Variants in SPTLC1 observed in about 807,000 individuals in gnomAD.
SPTLC1 encodes the protein serine palmitoyltransferase 1.
A neutral mutation model predicts 68.9 loss-of-function variants in SPTLC1; 55 were observed. The ratio of observed to expected loss-of-function variants is 0.80; its 90% CI spans 0.64 to 1.00. SPTLC1 has a LOEUF of 1.00. Ranked by LOEUF, SPTLC1 falls within the 50% of genes least tolerant of loss-of-function variation. SPTLC1 has a pLI of 0.00. For synonymous variants in SPTLC1, 197 were observed against 201.6 expected (o/e 0.98, Z 0.19); for missense variants, 449 against 573.1 (o/e 0.78, Z 2.21).
intron 14 of SPTLC1, 39 bp from the exon 15 acceptor site, chr9:92,032,597 G>A (rs772080789): frequency 1.2e-6 from 2 of 1,613,304 alleles, no homozygotes; most frequent in African/African-American, 1.3e-5. Flanking sequence ...ATCTTTGTGG[G>A]CCAGGCGCAG....
chr9:92,047,474 A>G (rs1034660913), intron 10 of SPTLC1, 139 bp downstream of exon 10: 7 of 746,388 alleles, frequency 9.4e-6, no homozygotes, highest in African/African-American at 8.9e-5. Context: ...AAATATTTTG[A>G]GTGATTCTTT....
Position 92,097,368 on chromosome 9 carries a change from T to C in SPTLC1, c.260+11372A>G, listed in dbSNP as rs1229283718. ...TGCCCATGCAAAAATGTGTACACAT[T>C]ATTTCATAGCAGTTTTATTATTTTT... On this transcript the variant is annotated intron_variant, in intron 3 of 14. Transcript: ENST00000262554. Among the ~76,000 whole-genome samples, 3 of 152,260 alleles carry C rather than the reference T, an allele frequency of 2.0e-5. No homozygotes were observed. In the East Asian group the frequency reaches 5.8e-4, roughly 29 times the overall value.
intron 2 of SPTLC1, chr9:92,110,736 T>C (rs555264283): frequency 2.6e-5 from 4 of 152,314 alleles, no homozygotes; most frequent in South Asian, 2.1e-4. Flanking sequence ...TGCATTTCAC[T>C]CTAGGATTCA....
At chr9:92,058,134 T>C (rs933881432) in intron 7 of SPTLC1, among the ~76,000 whole-genome samples, 7 of 152,210 alleles carry the variant, frequency 4.6e-5, no homozygotes, top group African/African-American at 9.6e-5. Context: ...ATTTTGCCTA[T>C]AGATTTTTCT....
chr9:92,103,342 T>G (rs893959744), intron 3 of SPTLC1, among the ~76,000 whole-genome samples: 6 of 152,242 alleles, frequency 3.9e-5, no homozygotes, highest in Non-Finnish European at 7.3e-5. Flanking sequence ...TCAACTTCTA[T>G]GCTGAAGTGA....
chr9:92,034,723 G>T, intron 14 of SPTLC1, 87 bp downstream of exon 14: 1 of 1,038,416 alleles, frequency 9.6e-7, no homozygotes, highest in Non-Finnish European at 1.5e-6. Context: ...GCCTATGATA[G>T]TCTTTCAAAA....
chr9:92,111,157 T>G (rs996145779), intron 2 of SPTLC1: 1 of 152,120 alleles, frequency 6.6e-6, no homozygotes, highest in African/African-American at 2.4e-5. Flanking sequence ...CCAAATTAAT[T>G]TTCCTACAAC....
intron 6 of SPTLC1, among the ~76,000 whole-genome samples, chr9:92,061,903 G>C (rs1834119173): frequency 6.6e-6 from 1 of 152,038 alleles, no homozygotes; most frequent in African/African-American, 2.4e-5. Context: ...GCAGAAAAGA[G>C]AAAATAGAGA....
At chr9:92,100,086 TAAAG>T (rs1835690309) in intron 3 of SPTLC1, among the ~76,000 whole-genome samples, 1 of 100,982 alleles carries the variant, frequency 9.9e-6, no homozygotes, top group Non-Finnish European at 2.1e-5. Flanking sequence ...AAGAAGAAAA[TAAAG>T]AACAACATAA....
intron 7 of SPTLC1, among the ~76,000 whole-genome samples, chr9:92,056,278 G>C (rs749401972): frequency 3.3e-5 from 5 of 152,124 alleles, no homozygotes; most frequent in Non-Finnish European, 5.9e-5. Context: ...CACCCAGGTG[G>C]GAGTGCAGTG....
At chr9:92,066,897 T>C (rs1834304825) in intron 6 of SPTLC1, among the ~76,000 whole-genome samples, 1 of 151,968 alleles carries the variant, frequency 6.6e-6, no homozygotes. Context: ...AGAGAATTGC[T>C]TGAACCCGGG....
intron 14 of SPTLC1, among the ~76,000 whole-genome samples, chr9:92,033,945 G>A (rs1833056106): frequency 6.6e-6 from 1 of 152,198 alleles, no homozygotes; most frequent in African/African-American, 2.4e-5. Context: ...AAACTCCCCA[G>A]TGGGCTCTCC....
At chr9:92,094,649 T>C (rs1835470458) in intron 3 of SPTLC1, among the ~76,000 whole-genome samples, 1 of 152,236 alleles carries the variant, frequency 6.6e-6, no homozygotes, top group African/African-American at 2.4e-5. Context: ...AACTTTCCTA[T>C]TGAACTAACC....
intron 1 of SPTLC1, among the ~76,000 whole-genome samples, chr9:92,114,553 T>G (rs1233934001): frequency 6.6e-6 from 1 of 151,902 alleles, no homozygotes; most frequent in Non-Finnish European, 1.5e-5. Context: ...CTGACCAACA[T>G]GCAGAAACCC....
At chr9:92,067,788 T>C (rs1322439994) in intron 6 of SPTLC1, among the ~76,000 whole-genome samples, 178 bp downstream of exon 6, 1 of 152,228 alleles carries the variant, frequency 6.6e-6, no homozygotes. Context: ...TAGACACCGT[T>C]AAGCATCTTT....
chr9:92,044,488 T>C (rs769657179), intron 12 of SPTLC1, among the ~76,000 whole-genome samples: 2 of 152,122 alleles, frequency 1.3e-5, no homozygotes, highest in Non-Finnish European at 2.9e-5. Context: ...CGAAGGGCAG[T>C]AGCAGAAGCC....
chr9:92,081,148 T>C (rs80145137), intron 3 of SPTLC1, among the ~76,000 whole-genome samples, 185 bp from the exon 4 acceptor site: 2 of 152,244 alleles, frequency 1.3e-5, no homozygotes, highest in African/African-American at 4.8e-5. Flanking sequence ...TATTTTTCCA[T>C]TAATTTTATT....
intron 5 of SPTLC1, chr9:92,076,789 C>T (rs1019189141): frequency 1.3e-5 from 2 of 152,206 alleles, no homozygotes; most frequent in African/African-American, 4.8e-5. Context: ...TGTCTGGAAA[C>T]TCAAATACCT....
chr9:92,051,193 A>G, intron 8 of SPTLC1: 4 of 980,964 alleles, frequency 4.1e-6, no homozygotes, highest in Non-Finnish European at 4.8e-6. Context: ...AAATATATTT[A>G]GATTTCCTCA....
Sources: allele counts gnomAD v4.1 joint callset (sites outside exome capture counted in the v4.1 genomes callset), GRCh38; gene constraint gnomAD v4.1.1; transcripts MANE v1.5; gene names NCBI Gene and HGNC (gene_info 2026-07-23, HGNC 2026-07-21).